Variants in ARHGAP39 observed in about 807,000 individuals in gnomAD.
ARHGAP39 encodes Rho GTPase activating protein 39, also known as rho GTPase-activating protein 39.
ARHGAP39 carries 44 observed loss-of-function variants against 106.9 expected under a neutral mutation model. The ratio of observed to expected loss-of-function variants is 0.41; its 90% confidence interval spans 0.32 to 0.53. The LOEUF (loss-of-function observed/expected upper bound fraction) is 0.53. ARHGAP39 is among the 20% of genes least tolerant of loss of function. ARHGAP39 has a pLI of 0.21. For synonymous variants in ARHGAP39, 768 were observed against 693.2 expected, an observed-to-expected ratio of 1.11 and a Z score of -1.69; for missense variants, 1,496 against 1,577.3, an observed-to-expected ratio of 0.95 and a Z score of 0.87.
chr8:144,563,562 G>A (rs971163970), intron 3 of ARHGAP39, among the ~76,000 whole-genome samples: 2 of 151,998 alleles, frequency 1.3e-5, no homozygotes, highest in African/African-American at 4.8e-5. Context: ...TGAGTTAGGA[G>A]GATCACTTGA....
Position 144,574,606 on chromosome 8 carries a change from G to A in ARHGAP39, c.512+6240C>T, listed in dbSNP as rs914987244. Among the ~76,000 whole-genome samples the A allele has an allele frequency of 4.6e-5, 7 of 152,290 alleles. 1 individual carries two copies. In the South Asian group the frequency reaches 6.2e-4, roughly 14 times the overall value. On this transcript the variant is annotated intron_variant, in intron 3 of 11. Coordinates refer to ENST00000377307, the MANE Select transcript of ARHGAP39 (RefSeq NM_025251.3). ...GGAGAATGGCGTGAACCCAGGAGGC[G>A]GAGCTTGCAGTAAGCTGAGATTGCG...
intron 7 of ARHGAP39, among the ~76,000 whole-genome samples, chr8:144,536,546 C>T (rs1405588340): frequency 2.6e-5 from 4 of 152,224 alleles, no homozygotes; most frequent in African/African-American, 9.6e-5. Context: ...AAAGCTCCTT[C>T]TACGCTGCCC....
At chr8:144,582,374 A>G (rs1819027614) in intron 2 of ARHGAP39, among the ~76,000 whole-genome samples, 2 of 152,222 alleles carry the variant, frequency 1.3e-5, no homozygotes, top group South Asian at 4.1e-4. Flanking sequence ...TAGGACACCA[A>G]GGATCCAGGC....
chr8:144,695,810 G>A, the ARHGAP39 span, among the ~76,000 whole-genome samples: 1 of 152,302 alleles, frequency 6.6e-6, no homozygotes, highest in East Asian at 1.9e-4. Flanking sequence ...GTCGTTGGGC[G>A]TTATCAATGG....
In ARHGAP39 at chr8:144,610,609, G is replaced by A. The variant is rs933435988; in HGVS notation, c.-81-4914C>T. Among the ~76,000 whole-genome samples the A allele has an allele frequency of 6.6e-5, 10 of 152,166 alleles. No individual in the cohort carries two copies. In the East Asian group the frequency reaches 1.8e-3, roughly 27 times the overall value. ...CGCCTGTAGTCCCAGCAACTCGAAAGGCTGAGGCAGGGGAATGGCGTGAAC... is the reference window on the plus strand; with the variant it reads ...CGCCTGTAGTCCCAGCAACTCGAAAAGCTGAGGCAGGGGAATGGCGTGAAC... On this transcript the variant is annotated intron_variant, in intron 1 of 11. Transcript: ENST00000377307.
At chr8:144,695,512 G>A in the ARHGAP39 span, among the ~76,000 whole-genome samples, 1 of 152,152 alleles carries the variant, frequency 6.6e-6, no homozygotes, top group East Asian at 1.9e-4. Flanking sequence ...GACACTGCAT[G>A]TACTGTTGTA....
At chr8:144,593,172 T>C (rs1165252816) in intron 2 of ARHGAP39, among the ~76,000 whole-genome samples, 1 of 152,170 alleles carries the variant, frequency 6.6e-6, no homozygotes, top group East Asian at 1.9e-4. Flanking sequence ...TTCTTGGAGA[T>C]GTCTGTTTGC....
intron 1 of ARHGAP39, among the ~76,000 whole-genome samples, chr8:144,619,508 C>T (rs1229097404): frequency 6.6e-6 from 1 of 151,438 alleles, no homozygotes; most frequent in African/African-American, 2.4e-5. Flanking sequence ...GCCTCTGTGT[C>T]CCTGAGAAAG....
At chr8:144,665,355 C>T (rs1341029003) in intron 1 of ARHGAP39, among the ~76,000 whole-genome samples, 1 of 152,132 alleles carries the variant, frequency 6.6e-6, no homozygotes, top group Non-Finnish European at 1.5e-5. Context: ...AAAGAAAAAC[C>T]CATTTTCTGA....
chr8:144,560,841 T>TAAACAG (rs1298308027), intron 3 of ARHGAP39, among the ~76,000 whole-genome samples: 1 of 152,218 alleles, frequency 6.6e-6, no homozygotes, highest in Non-Finnish European at 1.5e-5. Flanking sequence ...AGAAACATTT[T>TAAACAG]AAACAGAAAC....
intron 2 of ARHGAP39, among the ~76,000 whole-genome samples, chr8:144,601,002 C>CTG (rs565808739): frequency 0.029 from 3,018 of 103,342 alleles, 54 homozygotes; most frequent in Admixed American, 0.073. Context: ...GCTCATGTAC[C>CTG]TGTGTGTGTG....
At chr8:144,615,119 G>A (rs764951872) in intron 1 of ARHGAP39, among the ~76,000 whole-genome samples, 3 of 152,160 alleles carry the variant, frequency 2.0e-5, no homozygotes, top group South Asian at 4.1e-4. Context: ...TCAGGAGTTC[G>A]AGACCAGCTG....
chr8:144,674,644 C>A (rs1373903518), intron 1 of ARHGAP39, among the ~76,000 whole-genome samples: 1 of 152,188 alleles, frequency 6.6e-6, no homozygotes, highest in East Asian at 1.9e-4. Context: ...CACCCAGGAG[C>A]CTGTCTGCCT....
intron 3 of ARHGAP39, among the ~76,000 whole-genome samples, chr8:144,571,217 C>T (rs143600507): frequency 2.6e-3 from 396 of 152,262 alleles, no homozygotes; most frequent in African/African-American, 8.7e-3. Flanking sequence ...TGGTGAACAT[C>T]GATGCGAAAA....
At chr8:144,598,863 G>C (rs1819731741) in intron 2 of ARHGAP39, among the ~76,000 whole-genome samples, 1 of 152,138 alleles carries the variant, frequency 6.6e-6, no homozygotes, top group South Asian at 2.1e-4. Flanking sequence ...ACATTTAGTG[G>C]AACATTTACA....
At chr8:144,558,671 C>T (rs993889533) in intron 3 of ARHGAP39, among the ~76,000 whole-genome samples, 11 of 152,148 alleles carry the variant, frequency 7.2e-5, no homozygotes, top group Admixed American at 6.5e-5. Context: ...ACTTTCAGAA[C>T]TTAAGAATGT....
Position 144,591,078 on chromosome 8 carries a change from G to A in ARHGAP39, c.81-9801C>T, listed in dbSNP as rs1819374318. On this transcript the variant is annotated intron_variant, in intron 2 of 11. Coordinates refer to ENST00000377307, the MANE Select transcript of ARHGAP39 (RefSeq NM_025251.3). This position sits in a 1 kb window ranked among gnomAD's most constrained non-coding sequence, Gnocchi z 5.3. The stretch of plus-strand genomic sequence containing the variant: ...TCCCCCTGGTCCACTCCTCAGCCTG[G>A]CCGGTCTCTGTCACCTTTGCTTCCA... Among the ~76,000 whole-genome samples the A allele has an allele frequency of 6.6e-6, 1 of 152,196 alleles. No individual in the cohort carries two copies. The highest frequency in any genetic ancestry group is 1.5e-5 in the Non-Finnish European group (1 of 68,038).
chr8:144,569,592 A>G (rs929461899), intron 3 of ARHGAP39, among the ~76,000 whole-genome samples: 1 of 152,230 alleles, frequency 6.6e-6, no homozygotes, highest in African/African-American at 2.4e-5. Flanking sequence ...TCTATAGTGA[A>G]GCAGGTAGAC....
At chr8:144,571,037 G>A (rs1317651010) in intron 3 of ARHGAP39, among the ~76,000 whole-genome samples, 4 of 152,124 alleles carry the variant, frequency 2.6e-5, no homozygotes, top group Non-Finnish European at 4.4e-5. Context: ...ATTCACAGCC[G>A]AATTCTACCA....
Sources: allele counts gnomAD v4.1 joint callset (sites outside exome capture counted in the v4.1 genomes callset), GRCh38; gene constraint gnomAD v4.1.1; non-coding constraint Gnocchi (gnomAD v3.1); transcripts MANE v1.5; gene names NCBI Gene and HGNC (gene_info 2026-07-23, HGNC 2026-07-21).